LDB2: variants seen among roughly 807,000 people sequenced by gnomAD.
LDB2 encodes LIM domain binding 2.
In LDB2, 12 loss-of-function variants were observed where a neutral mutation model predicts 44.3. That is an observed-to-expected ratio of 0.27 (90% CI 0.17 to 0.44). The LOEUF (loss-of-function observed/expected upper bound fraction) is 0.44. LDB2 is among the 20% of genes least tolerant of loss of function. The pLI is 1.00. For missense variants in LDB2, 344 were observed against 473.5 expected (o/e 0.73, Z 2.54); for synonymous variants, 164 against 174.8 (o/e 0.94, Z 0.49).
chr4:16,765,341 T>A (rs777542041), intron 1 of LDB2, among the ~76,000 whole-genome samples: 29 of 152,192 alleles, frequency 1.9e-4, no homozygotes, highest in Non-Finnish European at 4.0e-4. Context: ...CCTTCTCAAC[T>A]CTTTGTGCCT....
intron 2 of LDB2, among the ~76,000 whole-genome samples, chr4:16,637,135 T>C (rs1029692168): frequency 3.9e-5 from 6 of 152,158 alleles, no homozygotes; most frequent in African/African-American, 1.4e-4. Context: ...CTTTCTTTAG[T>C]CTGGCCCAAC....
intron 2 of LDB2, among the ~76,000 whole-genome samples, chr4:16,695,712 A>G (rs919504450): frequency 6.6e-6 from 1 of 152,230 alleles, no homozygotes; most frequent in Admixed American, 6.5e-5. Context: ...GCAGCCCTAG[A>G]TGACACAACA....
intron 1 of LDB2, among the ~76,000 whole-genome samples, chr4:16,793,201 C>G (rs139709572): frequency 6.6e-6 from 1 of 152,294 alleles, no homozygotes; most frequent in Non-Finnish European, 1.5e-5. Context: ...TTGGTATACG[C>G]GTTGCCTTTA....
intron 1 of LDB2, among the ~76,000 whole-genome samples, chr4:16,788,624 T>C (rs1479971149): frequency 6.6e-6 from 1 of 152,194 alleles, no homozygotes; most frequent in African/African-American, 2.4e-5. Context: ...GTGATTCTAA[T>C]ACTCAGCACA....
At chr4:16,850,270 T>G (rs1787925084) in intron 1 of LDB2, among the ~76,000 whole-genome samples, 1 of 152,132 alleles carries the variant, frequency 6.6e-6, no homozygotes, top group Non-Finnish European at 1.5e-5. Flanking sequence ...TATCCCAGGC[T>G]TTGGATAGGG....
intron 2 of LDB2, among the ~76,000 whole-genome samples, chr4:16,724,024 C>T (rs953019315): frequency 1.3e-5 from 2 of 152,186 alleles, no homozygotes; most frequent in African/African-American, 2.4e-5. Context: ...CATCTCCTCA[C>T]TGCCTACAGC....
intron 2 of LDB2, among the ~76,000 whole-genome samples, chr4:16,718,363 G>A (rs1757528586): frequency 1.3e-5 from 2 of 152,030 alleles, no homozygotes; most frequent in Admixed American, 6.6e-5. Context: ...TGAATATGTC[G>A]AGTCTAATGC....
intron 1 of LDB2, among the ~76,000 whole-genome samples, chr4:16,814,521 C>T (rs762006890): frequency 3.7e-5 from 5 of 136,732 alleles, no homozygotes; most frequent in African/African-American, 1.3e-4. Context: ...GCCTCCCTGC[C>T]CATTATATGA....
At position 16,562,116 on chromosome 4, in the gene LDB2, C is replaced by G. The variant is rs1310739207; in HGVS notation, c.615+23806G>C. On this transcript the variant is annotated intron_variant, in intron 5 of 7. Coordinates refer to ENST00000304523, the MANE Select transcript of LDB2 (RefSeq NM_001290.5). ...CGTTAGATCTAAAACCATAAAAACC[C>G]TAGAAGAAAACCTAGGCATTACCAT... Among the ~76,000 whole-genome samples the G allele has an allele frequency of 4.6e-5, 7 of 152,274 alleles. No homozygotes were observed. In the East Asian group the frequency reaches 1.2e-3, roughly 25 times the overall value.
intron 1 of LDB2, among the ~76,000 whole-genome samples, chr4:16,849,785 A>G (rs1450131216): frequency 6.6e-6 from 1 of 152,184 alleles, no homozygotes; most frequent in Non-Finnish European, 1.5e-5. Context: ...CCCTGGGTGG[A>G]GGGTTCTGCC....
chr4:16,547,281 T>A (rs1480495153), intron 5 of LDB2, among the ~76,000 whole-genome samples: 2 of 152,148 alleles, frequency 1.3e-5, no homozygotes, highest in Non-Finnish European at 2.9e-5. Flanking sequence ...TTAAGAGGAT[T>A]TCTTAGACCT....
intron 2 of LDB2, among the ~76,000 whole-genome samples, chr4:16,722,381 C>G (rs1473621120): frequency 6.6e-6 from 1 of 152,112 alleles, no homozygotes; most frequent in Non-Finnish European, 1.5e-5. Flanking sequence ...TGCCTCTCAG[C>G]TGGAAAACAT....
chr4:16,512,108 CAAG>C lies in LDB2; in HGVS notation c.616-7_616-5del. The C allele has an allele frequency of 6.2e-7, 1 of 1,603,636 alleles. No homozygotes were observed. The highest frequency in any genetic ancestry group is 8.5e-7 in the Non-Finnish European group (1 of 1,173,780). On this transcript the variant is annotated splice_polypyrimidine_tract_variant and splice_region_variant and intron_variant, in intron 5 of 7. Transcript: ENST00000304523. The stretch of plus-strand genomic sequence containing the variant: ...TTGGCTCCAATATTACACACAACTG[CAAG>C]AAGTTCAAAGACATTGGCATTTCAC...
intron 2 of LDB2, among the ~76,000 whole-genome samples, chr4:16,691,631 G>A (rs1249171689): frequency 6.6e-6 from 1 of 152,132 alleles, no homozygotes; most frequent in Non-Finnish European, 1.5e-5. Context: ...GAGAACTCTG[G>A]CCAACACATG....
intron 5 of LDB2, among the ~76,000 whole-genome samples, chr4:16,585,630 G>A (rs1716518679): frequency 6.6e-6 from 1 of 152,140 alleles, no homozygotes; most frequent in African/African-American, 2.4e-5. Flanking sequence ...AACCACAAGG[G>A]AAGCAGCCAC....
intron 2 of LDB2, among the ~76,000 whole-genome samples, chr4:16,685,925 G>A (rs575378638): frequency 1.3e-5 from 2 of 152,144 alleles, no homozygotes; most frequent in African/African-American, 2.4e-5. Flanking sequence ...GGTGGTGTGT[G>A]CCTGTAGTCC....
At chr4:16,527,222 A>G (rs1294406595) in intron 5 of LDB2, among the ~76,000 whole-genome samples, 1 of 152,184 alleles carries the variant, frequency 6.6e-6, no homozygotes, top group Non-Finnish European at 1.5e-5. Flanking sequence ...CAGAGGGAAG[A>G]GCAAGAGTGA....
chr4:16,684,629 C>T (rs1467319212), intron 2 of LDB2, among the ~76,000 whole-genome samples: 1 of 152,144 alleles, frequency 6.6e-6, no homozygotes, highest in Non-Finnish European at 1.5e-5. Context: ...AATTTGCTCT[C>T]TAAGATGAAG....
At chr4:16,671,115 A>G (rs536291594) in intron 2 of LDB2, among the ~76,000 whole-genome samples, 2 of 125,104 alleles carry the variant, frequency 1.6e-5, no homozygotes, top group African/African-American at 2.6e-5. Context: ...ATACAAAAAA[A>G]AAAAACAAAA....
Sources: allele counts gnomAD v4.1 joint callset (sites outside exome capture counted in the v4.1 genomes callset), GRCh38; gene constraint gnomAD v4.1.1; transcripts MANE v1.5; gene names NCBI Gene and HGNC (gene_info 2026-07-23, HGNC 2026-07-21).